PRSS38: variants seen among roughly 807,000 people sequenced by gnomAD.
The protein encoded by PRSS38 is serine protease 38, also known as marapsin 2.
In PRSS38, 22 loss-of-function variants were observed where a neutral mutation model predicts 26.8. That is an observed-to-expected ratio of 0.82 (90% CI 0.59 to 1.17). PRSS38 has a LOEUF of 1.17. Among genes scored for constraint, PRSS38 ranks in the 50% most tolerant of loss-of-function variants. The probability of loss-of-function intolerance (pLI) is 0.00; values close to 1 mark genes in which losing one functional copy is unlikely to be tolerated. For synonymous variants in PRSS38, 175 were observed against 172.1 expected, an observed-to-expected ratio of 1.02 and a Z score of -0.13; for missense variants, 427 against 422.7, an observed-to-expected ratio of 1.01 and a Z score of -0.09.
At chr1:227,838,215 A>C (rs1205957251) in intron 3 of PRSS38, among the ~76,000 whole-genome samples, 1 of 152,234 alleles carries the variant, frequency 6.6e-6, no homozygotes, top group East Asian at 1.9e-4. Flanking sequence ...GATAATTTTC[A>C]ACATCTATTC....
chr1:227,819,668 G>A (rs1664972874), intron 3 of PRSS38, among the ~76,000 whole-genome samples: 1 of 152,140 alleles, frequency 6.6e-6, no homozygotes, highest in Non-Finnish European at 1.5e-5. Context: ...ATAGATTCGA[G>A]TATGCAAGTT....
intron 3 of PRSS38, among the ~76,000 whole-genome samples, chr1:227,819,008 G>A (rs1004493098): frequency 6.6e-6 from 1 of 152,120 alleles, no homozygotes; most frequent in South Asian, 2.1e-4. Flanking sequence ...TTTCTAGAAA[G>A]TTGTTCATTT....
chr1:227,845,763 C>T lies in PRSS38; in HGVS notation c.726+151C>T, dbSNP rs550269967. 73 of 1,200,024 alleles carry T rather than the reference C, an allele frequency of 6.1e-5. 1 individual carries two copies. In the South Asian group the frequency reaches 9.0e-4, roughly 15 times the overall value. 74.3% of individuals were successfully genotyped at this position (1,200,024 alleles called of 1,614,324 possible). A position where few individuals can be genotyped will look rare whatever the true frequency, so the allele number is the denominator to read the frequency against. ...GCGATGTATGACAATGTGTGAACGC[C>T]GCATGCCTGCAGCAGGCCTCCCCTG... On this transcript the variant is annotated intron_variant, in intron 4 of 4. Transcript: ENST00000366757.
At chr1:227,841,153 C>T (rs1665332132) in intron 3 of PRSS38, among the ~76,000 whole-genome samples, 1 of 152,238 alleles carries the variant, frequency 6.6e-6, no homozygotes, top group Non-Finnish European at 1.5e-5. Context: ...CCTGTGGGTT[C>T]TTCTGGTTTG....
intron 3 of PRSS38, among the ~76,000 whole-genome samples, chr1:227,817,729 A>T (rs1664944484): frequency 6.6e-6 from 1 of 152,262 alleles, no homozygotes; most frequent in Non-Finnish European, 1.5e-5. Flanking sequence ...AAGAACACAA[A>T]TTTAAAAGCA....
intron 3 of PRSS38, among the ~76,000 whole-genome samples, chr1:227,833,412 A>G (rs1665185496): frequency 6.6e-6 from 1 of 152,122 alleles, no homozygotes; most frequent in Non-Finnish European, 1.5e-5. Context: ...CTGTAATCCC[A>G]GCTACTTGGG....
exon 5 of PRSS38, chr1:227,846,412 C>T: frequency 1.6e-6 from 1 of 639,878 alleles, no homozygotes; most frequent in Non-Finnish European, 2.7e-6. Flanking sequence ...TCAGGGAGAA[C>T]CCAGCTTGGG....
chr1:227,825,123 T>G (rs2102676179), intron 3 of PRSS38, among the ~76,000 whole-genome samples: 1 of 152,326 alleles, frequency 6.6e-6, no homozygotes, highest in South Asian at 2.1e-4. Context: ...CTTTTGGCAT[T>G]TTTGTCATGA....
At chr1:227,837,978 A>G (rs1342000215) in intron 3 of PRSS38, among the ~76,000 whole-genome samples, 1 of 151,870 alleles carries the variant, frequency 6.6e-6, no homozygotes, top group Non-Finnish European at 1.5e-5. Context: ...CTGGTTTCAA[A>G]CTTCTGGCCT....
intron 3 of PRSS38, among the ~76,000 whole-genome samples, chr1:227,820,113 A>T (rs1330081503): frequency 2.7e-5 from 4 of 146,430 alleles, no homozygotes; most frequent in African/African-American, 1.0e-4. Context: ...AAAAAAAAAA[A>T]GCAACACAAC....
chr1:227,844,828 G>A (rs192017188), intron 3 of PRSS38, among the ~76,000 whole-genome samples: 1 of 148,874 alleles, frequency 6.7e-6, no homozygotes, highest in Admixed American at 6.7e-5. Flanking sequence ...CTCACCATGG[G>A]CAGTGGGGCT....
chr1:227,818,021 A>G (rs1664948222), intron 3 of PRSS38, among the ~76,000 whole-genome samples: 1 of 152,192 alleles, frequency 6.6e-6, no homozygotes, highest in East Asian at 1.9e-4. Context: ...TTATTTTGAC[A>G]GTTCTAGACA....
At chr1:227,830,380 A>G (rs1370658346) in intron 3 of PRSS38, among the ~76,000 whole-genome samples, 2 of 151,866 alleles carry the variant, frequency 1.3e-5, no homozygotes, top group African/African-American at 2.4e-5. Context: ...TTATGGAAAG[A>G]TATTTTTATT....
At chr1:227,834,248 G>T (rs914570495) in intron 3 of PRSS38, among the ~76,000 whole-genome samples, 1 of 152,146 alleles carries the variant, frequency 6.6e-6, no homozygotes, top group Non-Finnish European at 1.5e-5. Context: ...ACTTTTTGTC[G>T]TTTGAAACTG....
chr1:227,820,665 A>G (rs1664990406), intron 3 of PRSS38, among the ~76,000 whole-genome samples: 1 of 152,162 alleles, frequency 6.6e-6, no homozygotes, highest in African/African-American at 2.4e-5. Context: ...ATATTCTTAA[A>G]GGTATGATCT....
At position 227,844,460 on chromosome 1, in the gene PRSS38, AGGACTCCTACCTGTGTGGTG is replaced by A. The variant is rs574246587; in HGVS notation, c.584-1001_584-982del. 2.9e-3 allele frequency among the ~76,000 whole-genome samples: 437 copies of A among 149,366 alleles called. 2 individuals carry two copies. The highest frequency in any genetic ancestry group is 0.01 in the African/African-American group (409 of 40,354). ...GTGAGACTCCTCCCTATGTGTAGTC[AGGACTCCTACCTGTGTGGTG>A]GGACTCCTCCCTATGTGTGGTCAGT... On this transcript the variant is annotated intron_variant, in intron 3 of 4. Coordinates refer to ENST00000366757, the Ensembl canonical transcript of PRSS38.
At chr1:227,845,297 G>A (rs1572093194) in intron 3 of PRSS38, among the ~76,000 whole-genome samples, 173 bp from the exon 4 acceptor site, 1 of 151,776 alleles carries the variant, frequency 6.6e-6, no homozygotes, top group Non-Finnish European at 1.5e-5. Flanking sequence ...TGTGTGGTCA[G>A]GACTCCTCCC....
chr1:227,843,471 G>T lies in PRSS38; in HGVS notation c.584-1999G>T, dbSNP rs987821060. Among the ~76,000 whole-genome samples the T allele has an allele frequency of 2.8e-4, 42 of 152,180 alleles. 1 individual carries two copies. The highest frequency in any genetic ancestry group is 5.8e-4 in the East Asian group (3 of 5,192). ...TAATCCCAGCACTTTGGGAGGCTGAGATGGGTGAATCACCTGAGGTCAGGA... is the reference window on the plus strand; with the variant it reads ...TAATCCCAGCACTTTGGGAGGCTGATATGGGTGAATCACCTGAGGTCAGGA... On this transcript the variant is annotated intron_variant, in intron 3 of 4. Coordinates refer to ENST00000366757, the Ensembl canonical transcript of PRSS38.
intron 3 of PRSS38, among the ~76,000 whole-genome samples, chr1:227,824,275 A>G (rs1482229310): frequency 6.6e-6 from 1 of 152,016 alleles, no homozygotes; most frequent in African/African-American, 2.4e-5. Flanking sequence ...CCCTGTGTCC[A>G]TGTGTTCTCA....
Sources: gnomAD v4.1 joint callset for allele counts (sites outside exome capture counted in the v4.1 genomes callset) on GRCh38, gnomAD v4.1.1 for gene constraint, MANE v1.5 for transcripts, NCBI Gene and HGNC (gene_info 2026-07-23, HGNC 2026-07-21) for gene names.